KANK1: variants seen among roughly 807,000 people sequenced by gnomAD.
KANK1 encodes KN motif and ankyrin repeat domain-containing protein 1.
Under a neutral mutation model 106.2 loss-of-function variants are expected in KANK1, and 109 were observed. The observed-to-expected ratio is 1.03, with a 90% confidence interval of 0.88 to 1.20. The LOEUF is 1.20. Ranked by LOEUF, KANK1 falls within the 50% of genes most tolerant of loss-of-function variation. The probability of loss-of-function intolerance (pLI) is 0.00; values close to 1 mark genes in which losing one functional copy is unlikely to be tolerated. For synonymous variants in KANK1, 873 were observed against 652.2 expected (o/e 1.34, Z -5.16); for missense variants, 2,399 against 1,710.7 (o/e 1.40, Z -7.10).
chr9:635,864 C>G (rs1837009803), intron 1 of KANK1, among the ~76,000 whole-genome samples: 1 of 151,526 alleles, frequency 6.6e-6, no homozygotes, highest in African/African-American at 2.4e-5. Flanking sequence ...TTAGTAGAGA[C>G]AGGTTTCACT....
intron 1 of KANK1, among the ~76,000 whole-genome samples, chr9:556,299 G>A (rs972312515): frequency 7.2e-5 from 11 of 152,050 alleles, no homozygotes; most frequent in African/African-American, 2.7e-4. Context: ...TTCTCTGTAT[G>A]TGTCTGTATC....
intron 1 of KANK1, among the ~76,000 whole-genome samples, chr9:510,982 G>T (rs1030148758): frequency 6.6e-6 from 1 of 152,202 alleles, no homozygotes; most frequent in African/African-American, 2.4e-5. Context: ...TATGTGCAAG[G>T]CCCTGGTGGG....
At chr9:575,798 C>G (rs535983032) in intron 1 of KANK1, among the ~76,000 whole-genome samples, 1 of 152,200 alleles carries the variant, frequency 6.6e-6, no homozygotes, top group Non-Finnish European at 1.5e-5. Context: ...AAGGCGGGCC[C>G]GATCACTTGA....
At chr9:672,120 T>C (rs190511806) in intron 1 of KANK1, among the ~76,000 whole-genome samples, 3 of 152,282 alleles carry the variant, frequency 2.0e-5, no homozygotes, top group African/African-American at 7.2e-5. Context: ...GTGCCCTTAC[T>C]CTAAATCACA....
intron 1 of KANK1, among the ~76,000 whole-genome samples, chr9:578,119 A>G (rs1393912324): frequency 6.6e-6 from 1 of 152,212 alleles, no homozygotes; most frequent in Non-Finnish European, 1.5e-5. Context: ...ACTGGGGCTT[A>G]TGGTTTAAAG....
At chr9:542,395 A>G (rs2060656893) in intron 1 of KANK1, among the ~76,000 whole-genome samples, 2 of 152,256 alleles carry the variant, frequency 1.3e-5, no homozygotes, top group South Asian at 4.1e-4. Flanking sequence ...GATATTATCA[A>G]AGGCAAAAGG....
At chr9:625,540 A>C (rs1834140972) in intron 1 of KANK1, among the ~76,000 whole-genome samples, 2 of 152,102 alleles carry the variant, frequency 1.3e-5, no homozygotes, top group South Asian at 4.1e-4. Flanking sequence ...ATCCGTTGTT[A>C]AAAGTTCTAT....
At position 719,557 on chromosome 9, in the gene KANK1, T is replaced by A. The variant is rs949970034; in HGVS notation, c.2698+6093T>A. Among the ~76,000 whole-genome samples the A allele has an allele frequency of 2.6e-5, 4 of 152,190 alleles. No homozygotes were observed. In the East Asian group the frequency reaches 5.8e-4, roughly 22 times the overall value. Reference sequence around the variant, plus strand: ...AATGTAGATCAGCATACCAGAACAGTTGGAATAGGTGAACAGAGCAACTTT... The same window carrying A: ...AATGTAGATCAGCATACCAGAACAGATGGAATAGGTGAACAGAGCAACTTT... On this transcript the variant is annotated intron_variant, in intron 3 of 11. Transcript: ENST00000382297.
At chr9:489,656 T>C (rs1234919669) in intron 3 of KANK1, among the ~76,000 whole-genome samples, 2 of 152,146 alleles carry the variant, frequency 1.3e-5, no homozygotes, top group African/African-American at 4.8e-5. Context: ...GTCTACCCTG[T>C]AGAGTTGGTG....
intron 3 of KANK1, among the ~76,000 whole-genome samples, chr9:486,788 A>G (rs2058300488): frequency 6.6e-6 from 1 of 152,230 alleles, no homozygotes; most frequent in South Asian, 2.1e-4. Context: ...AGACTCTTCA[A>G]TTATATAAAC....
chr9:629,094 A>C (rs1835060121), intron 1 of KANK1, among the ~76,000 whole-genome samples: 1 of 145,762 alleles, frequency 6.9e-6, no homozygotes, highest in African/African-American at 2.6e-5. Flanking sequence ...AAAAAAAAAA[A>C]TCCCATCTTG....
chr9:620,626 C>T (rs987847639), intron 1 of KANK1, among the ~76,000 whole-genome samples: 4 of 152,034 alleles, frequency 2.6e-5, no homozygotes, highest in Non-Finnish European at 5.9e-5. Context: ...AGGCTGGTCT[C>T]AAATGCCTGA....
In KANK1 at chr9:623,996, G is replaced by A. The variant is rs560900661; in HGVS notation, c.-83-52894G>A. 6.8e-4 allele frequency among the ~76,000 whole-genome samples: 104 copies of A among 152,252 alleles called. 1 individual carries two copies. Among genetic ancestry groups the A allele is most frequent in the African/African-American group, 2.4e-3 (98 of 41,540 alleles). ...ACAACCCAAGTGCCATTTATCTTAG[G>A]AATGGTTAAAGAAAATGTGGTATAT... On this transcript the variant is annotated intron_variant, in intron 1 of 11. Coordinates refer to ENST00000382297, the MANE Select transcript of KANK1 (RefSeq NM_015158.5).
At chr9:615,042 G>A (rs1238788904) in intron 1 of KANK1, among the ~76,000 whole-genome samples, 1 of 151,470 alleles carries the variant, frequency 6.6e-6, no homozygotes, top group Non-Finnish European at 1.5e-5. Context: ...CTGGGCCCAA[G>A]CAATTCTCTT....
At chr9:596,758 A>G (rs1563830859) in intron 1 of KANK1, among the ~76,000 whole-genome samples, 2 of 151,824 alleles carry the variant, frequency 1.3e-5, no homozygotes, top group African/African-American at 4.9e-5. Context: ...TTCACATAAT[A>G]TAACAATAGG....
intron 2 of KANK1, among the ~76,000 whole-genome samples, chr9:699,404 C>T (rs1294790809): frequency 6.6e-6 from 1 of 152,192 alleles, no homozygotes; most frequent in Non-Finnish European, 1.5e-5. Flanking sequence ...CTGCATCTTC[C>T]TTACATCAGC....
intron 1 of KANK1, among the ~76,000 whole-genome samples, chr9:583,490 C>T (rs1247945565): frequency 6.6e-6 from 1 of 151,916 alleles, no homozygotes; most frequent in African/African-American, 2.4e-5. Context: ...ATAAAATACG[C>T]TGGGGAAACG....
intron 10 of KANK1, among the ~76,000 whole-genome samples, chr9:743,412 C>T (rs1351620330): frequency 6.6e-6 from 1 of 152,152 alleles, no homozygotes; most frequent in Non-Finnish European, 1.5e-5. Flanking sequence ...GAGCTTCTGA[C>T]CGACTTCTTT....
intron 2 of KANK1, chr9:684,126 T>A: frequency 1.0e-6 from 1 of 978,238 alleles, no homozygotes; most frequent in Non-Finnish European, 1.2e-6. Context: ...TTTCATAAAC[T>A]CTTAAGGCTT....
Sources: allele counts gnomAD v4.1 joint callset (sites outside exome capture counted in the v4.1 genomes callset), GRCh38; gene constraint gnomAD v4.1.1; transcripts MANE v1.5; gene names NCBI Gene and HGNC (gene_info 2026-07-23, HGNC 2026-07-21).